The following PPP3CB variants were observed in gnomAD, a reference collection of about 807,000 sequenced individuals.
PPP3CB encodes the protein serine/threonine-protein phosphatase 2B catalytic subunit beta isoform.
A neutral mutation model predicts 66.4 loss-of-function variants in PPP3CB; 8 were observed. The observed-to-expected ratio is 0.12, with a 90% CI of 0.07 to 0.22. The LOEUF is 0.22. PPP3CB is among the 10% of genes least tolerant of loss of function. The probability of loss-of-function intolerance (pLI) is 1.00; values close to 1 mark genes in which losing one functional copy is unlikely to be tolerated. For synonymous variants in PPP3CB, 208 were observed against 221.2 expected, an observed-to-expected ratio of 0.94 and a Z score of 0.53; for missense variants, 319 against 642.5, an observed-to-expected ratio of 0.50 and a Z score of 5.44.
intron 12 of PPP3CB, 94 bp downstream of exon 12, chr10:73,444,631 A>G (rs1437541866): frequency 6.4e-7 from 1 of 1,572,738 alleles, no homozygotes; most frequent in Non-Finnish European, 8.6e-7. Flanking sequence ...AAAAAACAGA[A>G]GGAATTCCCT....
chr10:73,444,449 C>A, intron 12 of PPP3CB: 1 of 865,338 alleles, frequency 1.2e-6, no homozygotes, highest in Non-Finnish European at 1.7e-6. Context: ...ATAAATATTT[C>A]AGACATTATG....
At chr10:73,465,116 A>G (rs1276354952) in intron 9 of PPP3CB, among the ~76,000 whole-genome samples, 1 of 152,154 alleles carries the variant, frequency 6.6e-6, no homozygotes, top group Non-Finnish European at 1.5e-5. Context: ...AAATGATACA[A>G]GATTGGCTAT....
At chr10:73,487,128 C>T (rs2056991691) in intron 1 of PPP3CB, among the ~76,000 whole-genome samples, 1 of 152,146 alleles carries the variant, frequency 6.6e-6, no homozygotes, top group Non-Finnish European at 1.5e-5. Flanking sequence ...CGGGATTGGG[C>T]CACTGTACTC....
chr10:73,447,951 T>C lies in PPP3CB; in HGVS notation c.1187-1378A>G, dbSNP rs530212780. On this transcript the variant is annotated intron_variant, in intron 10 of 13. Coordinates refer to ENST00000360663, the MANE Select transcript of PPP3CB (RefSeq NM_021132.4). ...CTAAAAATATAAGAATCATAGAATATTAGAATTTGAAGAGACAATGGAGAT... is the reference window on the plus strand; with the variant it reads ...CTAAAAATATAAGAATCATAGAATACTAGAATTTGAAGAGACAATGGAGAT... 5.3e-5 allele frequency among the ~76,000 whole-genome samples: 8 copies of C among 151,356 alleles called. No homozygotes were observed. In the South Asian group the frequency reaches 1.7e-3, roughly 32 times the overall value.
intron 9 of PPP3CB, among the ~76,000 whole-genome samples, chr10:73,457,856 T>C (rs992747756): frequency 6.6e-6 from 1 of 152,118 alleles, no homozygotes; most frequent in Non-Finnish European, 1.5e-5. Flanking sequence ...ACTCAATAAT[T>C]ATCTCCCATG....
intron 4 of PPP3CB, among the ~76,000 whole-genome samples, chr10:73,473,458 C>T (rs1589706476): frequency 1.3e-5 from 2 of 152,118 alleles, no homozygotes; most frequent in South Asian, 4.1e-4. Flanking sequence ...GTTAAGAGAC[C>T]AGCCTGGCCA....
chr10:73,448,570 T>A, intron 10 of PPP3CB: 9 of 526,884 alleles, frequency 1.7e-5, no homozygotes, highest in South Asian at 8.4e-5. Flanking sequence ...GGACTCTGCA[T>A]AGACATTACT....
In PPP3CB at chr10:73,483,291, T is replaced by C. The variant is rs565942832; in HGVS notation, c.86-3774A>G. On this transcript the variant is annotated intron_variant, in intron 1 of 13. Coordinates refer to ENST00000360663, the MANE Select transcript of PPP3CB (RefSeq NM_021132.4). ...TAGAAAAACGTCACCTACTCATGAG[T>C]AGAGGTAGATGAAAGCTATAGGGAA... is the stretch of plus-strand genomic sequence containing the variant. Among the ~76,000 whole-genome samples, 348 of 152,154 alleles carry C rather than the reference T, an allele frequency of 2.3e-3. 2 individuals are homozygous for C. Among genetic ancestry groups the C allele is most frequent in the Non-Finnish European group, 3.4e-3 (232 of 68,004 alleles).
chr10:73,458,608 G>A (rs2056468963), intron 9 of PPP3CB, among the ~76,000 whole-genome samples: 1 of 150,884 alleles, frequency 6.6e-6, no homozygotes, highest in Admixed American at 6.6e-5. Flanking sequence ...TACCAGCCTG[G>A]GCAACATGGC....
At chr10:73,468,659 A>G (rs2056656648) in intron 8 of PPP3CB, among the ~76,000 whole-genome samples, 1 of 152,206 alleles carries the variant, frequency 6.6e-6, no homozygotes, top group Non-Finnish European at 1.5e-5. Flanking sequence ...ACTGAAATGC[A>G]GATGTTAAAT....
At chr10:73,458,619 G>A (rs928651936) in intron 9 of PPP3CB, among the ~76,000 whole-genome samples, 7 of 151,114 alleles carry the variant, frequency 4.6e-5, no homozygotes, top group Admixed American at 2.6e-4. Flanking sequence ...GCAACATGGC[G>A]AAACCCTGTC....
intron 12 of PPP3CB, among the ~76,000 whole-genome samples, chr10:73,442,137 C>T (rs2056159704): frequency 6.6e-6 from 1 of 152,084 alleles, no homozygotes; most frequent in Non-Finnish European, 1.5e-5. Context: ...AATGCCCAAA[C>T]CACACTATCA....
rs1032685438 is a variant in PPP3CB at position 73,443,624 on chromosome 10, A to T, written c.1366+1101T>A. Among the ~76,000 whole-genome samples, 8 of 152,202 alleles carry T rather than the reference A, an allele frequency of 5.3e-5. No homozygotes were observed. In the South Asian group the frequency reaches 1.4e-3, roughly 28 times the overall value. On this transcript the variant is annotated intron_variant, in intron 12 of 13. Coordinates refer to ENST00000360663, the MANE Select transcript of PPP3CB (RefSeq NM_021132.4). ...TATTTTTGCTTTCCAACCACAGGAA[A>T]AGAAATCTAGACTGAATTACTGTGT...
intron 1 of PPP3CB, among the ~76,000 whole-genome samples, chr10:73,487,584 AC>A (rs1156465612): frequency 0.032 from 4,783 of 147,446 alleles, 205 homozygotes; most frequent in African/African-American, 0.11. Flanking sequence ...AAAAAAAAAA[AC>A]AAACAGGAAA....
intron 1 of PPP3CB, among the ~76,000 whole-genome samples, chr10:73,491,695 C>T (rs182529173): frequency 3.3e-5 from 5 of 152,156 alleles, no homozygotes; most frequent in East Asian, 1.9e-4. Flanking sequence ...TGGCTAGGCA[C>T]GGTGGCTCAT....
chr10:73,494,324 T>C (rs1467631831), intron 1 of PPP3CB, among the ~76,000 whole-genome samples: 1 of 152,168 alleles, frequency 6.6e-6, no homozygotes, highest in East Asian at 1.9e-4. Context: ...TCTGGCTCTG[T>C]CGTCCAGGTT....
In PPP3CB at chr10:73,491,664, G is replaced by T. The variant is rs7075949; in HGVS notation, c.85+4141C>A. On this transcript the variant is annotated intron_variant, in intron 1 of 13. Transcript: ENST00000360663. ...GCTATGTCACACCAAGGCTATATGG[G>T]TTATCTGAAAATAAGTAATCTGGCT... Among the ~76,000 whole-genome samples the T allele has an allele frequency of 7.5e-3, 1,147 of 152,138 alleles. 14 individuals are homozygous for T. Among genetic ancestry groups the T allele is most frequent in the African/African-American group, 0.026 (1,083 of 41,508 alleles).
Position 73,479,438 on chromosome 10 carries a change from C to T in PPP3CB, c.165G>A (p.Leu55=), listed in dbSNP as rs1241313961. 3 of 1,614,128 alleles carry T rather than the reference C, an allele frequency of 1.9e-6. No individual in the cohort carries two copies. The highest frequency in any genetic ancestry group is 1.7e-6 in the Non-Finnish European group (2 of 1,180,010). The part of the protein sequence containing the change: ...DLDGIPRVDV[L]KNHLVKEGRV... ...GACCTTCTTTCACCAAGTGGTTCTT[C>T]AGAACATCAACCCTGGGTATCCCAT... The change falls in exon 2 of 14, where the codon CTG becomes CTA. Residue 55 remains leucine, a synonymous_variant. Coordinates refer to ENST00000360663, the MANE Select transcript of PPP3CB (RefSeq NM_021132.4).
At chr10:73,475,117 C>G in intron 3 of PPP3CB, 87 bp from the exon 4 acceptor site, 3 of 1,445,544 alleles carry the variant, frequency 2.1e-6, no homozygotes, top group Non-Finnish European at 1.8e-6. Flanking sequence ...CTCTACTACC[C>G]TTACCATCCT....
Sources: allele counts gnomAD v4.1 joint callset (sites outside exome capture counted in the v4.1 genomes callset), GRCh38; gene constraint gnomAD v4.1.1; transcripts MANE v1.5; gene names NCBI Gene and HGNC (gene_info 2026-07-23, HGNC 2026-07-21).